FAF1: variants seen among roughly 807,000 people sequenced by gnomAD.
The protein encoded by FAF1 is Fas associated factor 1, also known as FAS-associated factor 1.
FAF1 carries 25 observed loss-of-function variants against 92.5 expected under a neutral mutation model. The observed-to-expected ratio is 0.27, with a 90% CI of 0.20 to 0.38. The LOEUF is 0.38. Ranked by LOEUF, FAF1 falls within the 10% of genes least tolerant of loss-of-function variation. FAF1 has a pLI of 1.00. For missense variants in FAF1, 636 were observed against 793.3 expected (o/e 0.80, Z 2.38); for synonymous variants, 234 against 273.2 (o/e 0.86, Z 1.42).
intron 7 of FAF1, among the ~76,000 whole-genome samples, chr1:50,691,363 C>A (rs560176855): frequency 6.6e-6 from 1 of 152,016 alleles, no homozygotes; most frequent in African/African-American, 2.4e-5. Flanking sequence ...ATGCCTCAGC[C>A]TCCCCAGTAG....
At chr1:50,447,954 A>G (rs1229367262) in intron 18 of FAF1, among the ~76,000 whole-genome samples, 1 of 152,204 alleles carries the variant, frequency 6.6e-6, no homozygotes, top group African/African-American at 2.4e-5. Context: ...ATGACTTTGG[A>G]CGAGTCACTT....
intron 1 of FAF1, among the ~76,000 whole-genome samples, 183 bp from the exon 2 acceptor site, chr1:50,858,180 CA>C (rs1289788542): frequency 6.6e-6 from 1 of 151,584 alleles, no homozygotes; most frequent in African/African-American, 2.4e-5. Context: ...TTGTTAATTA[CA>C]AAGTAAATTT....
chr1:50,650,741 A>G (rs947115635), intron 8 of FAF1, among the ~76,000 whole-genome samples: 1 of 152,258 alleles, frequency 6.6e-6, no homozygotes, highest in Non-Finnish European at 1.5e-5. Flanking sequence ...GTAATAAGGT[A>G]TCTAAACATA....
At chr1:50,737,249 T>C (rs1659179299) in intron 6 of FAF1, among the ~76,000 whole-genome samples, 1 of 152,198 alleles carries the variant, frequency 6.6e-6, no homozygotes, top group Admixed American at 6.5e-5. Flanking sequence ...CCTGCTTGCC[T>C]AGGGAGTGAG....
At chr1:50,501,822 G>A (rs1646991765) in intron 15 of FAF1, among the ~76,000 whole-genome samples, 1 of 152,190 alleles carries the variant, frequency 6.6e-6, no homozygotes, top group Non-Finnish European at 1.5e-5. Context: ...TCTACTGTAT[G>A]TATGATCCAG....
intron 1 of FAF1, among the ~76,000 whole-genome samples, chr1:50,948,437 T>C (rs1645187721): frequency 6.6e-6 from 1 of 152,038 alleles, no homozygotes; most frequent in Non-Finnish European, 1.5e-5. Flanking sequence ...AGACAGCCTC[T>C]CACAGTCAAC....
At chr1:50,452,969 G>A (rs1041263378) in intron 18 of FAF1, among the ~76,000 whole-genome samples, 1 of 152,178 alleles carries the variant, frequency 6.6e-6, no homozygotes, top group African/African-American at 2.4e-5. Context: ...TTCCACTAGT[G>A]AGAGTTGAAC....
intron 15 of FAF1, among the ~76,000 whole-genome samples, chr1:50,499,093 G>A (rs1021703458): frequency 3.3e-5 from 5 of 152,072 alleles, no homozygotes; most frequent in African/African-American, 7.2e-5. Flanking sequence ...TGGACCTTAA[G>A]GACATTGTGC....
intron 12 of FAF1, among the ~76,000 whole-genome samples, chr1:50,570,688 A>T (rs1307296276): frequency 6.6e-6 from 1 of 152,242 alleles, no homozygotes; most frequent in Non-Finnish European, 1.5e-5. Context: ...TAAGCTTTCA[A>T]CAAAAAATTT....
At chr1:50,836,693 A>G (rs918579650) in intron 2 of FAF1, among the ~76,000 whole-genome samples, 1 of 152,196 alleles carries the variant, frequency 6.6e-6, no homozygotes, top group Non-Finnish European at 1.5e-5. Context: ...ATTTGAAGGT[A>G]AATTGCAACC....
chr1:50,605,849 T>C (rs972113023), intron 8 of FAF1, among the ~76,000 whole-genome samples: 2 of 152,260 alleles, frequency 1.3e-5, no homozygotes, highest in Non-Finnish European at 2.9e-5. Flanking sequence ...ATACTAACCA[T>C]ATAGTTACTC....
intron 2 of FAF1, among the ~76,000 whole-genome samples, chr1:50,843,534 G>A (rs1322895601): frequency 2.6e-5 from 4 of 151,724 alleles, no homozygotes; most frequent in Admixed American, 1.3e-4. Flanking sequence ...TTCATCCCCC[G>A]CTCCCTACCA....
At chr1:50,851,005 G>A (rs548708298) in intron 2 of FAF1, among the ~76,000 whole-genome samples, 1 of 151,668 alleles carries the variant, frequency 6.6e-6, no homozygotes, top group Non-Finnish European at 1.5e-5. Flanking sequence ...TAAATTGTAG[G>A]TTAGTAAGCT....
chr1:50,824,221 G>A (rs1644071758), intron 2 of FAF1, among the ~76,000 whole-genome samples: 1 of 152,070 alleles, frequency 6.6e-6, no homozygotes, highest in South Asian at 2.1e-4. Context: ...ATACATTCAA[G>A]TTAATTTATT....
intron 2 of FAF1, among the ~76,000 whole-genome samples, chr1:50,848,701 C>G (rs1644323277): frequency 6.6e-6 from 1 of 152,074 alleles, no homozygotes; most frequent in African/African-American, 2.4e-5. Context: ...ATATTCTTTC[C>G]AAGAATGCAT....
chr1:50,861,822 C>T (rs1283344398), intron 1 of FAF1, among the ~76,000 whole-genome samples: 2 of 151,700 alleles, frequency 1.3e-5, no homozygotes, highest in African/African-American at 4.8e-5. Context: ...TTTCTGTCTC[C>T]CTCACCACCC....
At chr1:50,668,713 T>A (rs927795467) in intron 7 of FAF1, among the ~76,000 whole-genome samples, 1 of 152,090 alleles carries the variant, frequency 6.6e-6, no homozygotes, top group African/African-American at 2.4e-5. Context: ...GGCCTTTAAT[T>A]AAGAAAGTAA....
At position 50,567,089 on chromosome 1, in the gene FAF1, G is replaced by C; in HGVS notation, c.1256C>G (p.Ser419Cys). The change falls in exon 13 of 19, where the codon TCC becomes TGC. Residue 419 changes from serine (S) to cysteine (C), a missense_variant. By Grantham distance (112) the Ser-to-Cys change is moderately radical. Around this residue, in one of 2 missense-constraint regions of FAF1, gnomAD observed 319 missense variants for 451.0 expected, o/e 0.71. Transcript: ENST00000396153. ...ACAACAGTATTACCTTGCTCTGTTG[G>C]AGTCCTTTGTCAGATCCCAAGCCCA... ...ITWAWDLTKD[S>C]NRARFLTMCN... The C allele has an allele frequency of 6.2e-7, 1 of 1,605,406 alleles. No individual in the cohort carries two copies. The highest frequency in any genetic ancestry group is 8.5e-7 in the Non-Finnish European group (1 of 1,175,354).
At chr1:50,873,290 A>G (rs1267337872) in intron 1 of FAF1, among the ~76,000 whole-genome samples, 1 of 152,214 alleles carries the variant, frequency 6.6e-6, no homozygotes, top group Non-Finnish European at 1.5e-5. Context: ...TCAGATATCT[A>G]CTTTACCGCA....
Sources: allele counts gnomAD v4.1 joint callset (sites outside exome capture counted in the v4.1 genomes callset), GRCh38; gene constraint gnomAD v4.1.1; regional missense constraint gnomAD v4.1.1; transcripts MANE v1.5; gene names NCBI Gene and HGNC (gene_info 2026-07-23, HGNC 2026-07-21).